The following COLEC12 variants were observed in gnomAD, a reference collection of about 807,000 sequenced individuals.
COLEC12 encodes collectin subfamily member 12, also known as collectin-12.
In COLEC12, 33 loss-of-function variants were observed where a neutral mutation model predicts 71.1. That is an observed-to-expected ratio of 0.46 (90% CI 0.35 to 0.62). The LOEUF is 0.62. Among genes scored for constraint, COLEC12 ranks in the 20% least tolerant of loss-of-function variants. COLEC12 has a pLI of 0.00. For synonymous variants in COLEC12, 350 were observed against 353.0 expected (o/e 0.99, Z 0.10); for missense variants, 765 against 916.1 (o/e 0.84, Z 2.13).
At chr18:474,433 CT>C (rs965537935) in intron 2 of COLEC12, among the ~76,000 whole-genome samples, 1 of 152,074 alleles carries the variant, frequency 6.6e-6, no homozygotes, top group Non-Finnish European at 1.5e-5. Context: ...GGTGTTGAAT[CT>C]TTTTTTTACT....
intron 2 of COLEC12, among the ~76,000 whole-genome samples, chr18:442,014 C>CT (rs1379749562): frequency 2.4e-5 from 3 of 125,556 alleles, no homozygotes; most frequent in Admixed American, 7.6e-5. Context: ...CACACACACA[C>CT]ACACACACAC....
At chr18:372,026 C>G (rs1418412894) in intron 2 of COLEC12, among the ~76,000 whole-genome samples, 1 of 152,164 alleles carries the variant, frequency 6.6e-6, no homozygotes, top group Non-Finnish European at 1.5e-5. Flanking sequence ...CAGAGTGGAG[C>G]TGGACTTCTG....
chr18:332,882 T>C (rs1260695888), intron 7 of COLEC12, 125 bp downstream of exon 7: 23 of 811,946 alleles, frequency 2.8e-5, no homozygotes, highest in Non-Finnish European at 4.1e-5. Context: ...CTCTGTAATG[T>C]TGCCTCCCAT....
At chr18:395,631 G>A (rs971610452) in intron 2 of COLEC12, among the ~76,000 whole-genome samples, 8 of 152,164 alleles carry the variant, frequency 5.3e-5, no homozygotes, top group African/African-American at 1.9e-4. Context: ...TATAAGTTCC[G>A]AGGCGATTAG....
intron 2 of COLEC12, among the ~76,000 whole-genome samples, chr18:379,426 C>T (rs1187077131): frequency 7.2e-5 from 11 of 152,010 alleles, no homozygotes. Flanking sequence ...TGCACCCAGC[C>T]GGGAGAAAAA....
chr18:471,010 A>G (rs1399307347), intron 2 of COLEC12, among the ~76,000 whole-genome samples: 2 of 152,220 alleles, frequency 1.3e-5, no homozygotes, highest in African/African-American at 4.8e-5. Context: ...TTTCTGCCAG[A>G]ACCTTTGCAG....
rs952793909 is a variant in COLEC12 at position 480,917 on chromosome 18, C to G, written c.8-160G>C. ...TTCTGGAAGAGGCGGCAGGGGTCTC[C>G]ACCCTGGCTGCTCCTGCTGCTTGGG... On this transcript the variant is annotated intron_variant, in intron 1 of 9. Transcript: ENST00000400256. The surrounding 1 kb of genome is among the most constrained non-coding windows in gnomAD (Gnocchi z 4.1). 6.6e-6 allele frequency among the ~76,000 whole-genome samples: 1 copy of G among 152,186 alleles called. No individual in the cohort carries two copies. Among genetic ancestry groups the G allele is most frequent in the Admixed American group, 6.5e-5 (1 of 15,282 alleles).
At chr18:329,958 T>C (rs1913934512) in intron 8 of COLEC12, among the ~76,000 whole-genome samples, 1 of 152,100 alleles carries the variant, frequency 6.6e-6, no homozygotes, top group South Asian at 2.1e-4. Context: ...GCACCTGTGA[T>C]TCCAGGGACT....
intron 8 of COLEC12, among the ~76,000 whole-genome samples, chr18:324,582 A>C (rs376202173): frequency 1.5e-4 from 23 of 152,194 alleles, no homozygotes; most frequent in Non-Finnish European, 2.6e-4. Context: ...TAATCCCAGC[A>C]CTTTGGGAGG....
intron 2 of COLEC12, among the ~76,000 whole-genome samples, chr18:455,547 T>C (rs1464637395): frequency 6.6e-6 from 1 of 152,152 alleles, no homozygotes; most frequent in African/African-American, 2.4e-5. Context: ...GTTACATAGG[T>C]ATACATGTGC....
intron 9 of COLEC12, among the ~76,000 whole-genome samples, chr18:320,567 G>GT (rs1913678919): frequency 2.6e-5 from 4 of 152,128 alleles, no homozygotes; most frequent in Non-Finnish European, 5.9e-5. Flanking sequence ...TGAGGTTTTT[G>GT]TTTTTATATG....
Position 395,454 on chromosome 18 carries a change from C to T in COLEC12, c.59-37932G>A, listed in dbSNP as rs116291492. On this transcript the variant is annotated intron_variant, in intron 2 of 9. Coordinates refer to ENST00000400256, the MANE Select transcript of COLEC12 (RefSeq NM_130386.3). ...CTTGAGAGAGTGTACTAACTCAACC[C>T]CTGCGAGCACTGGACCTTTTGGAGT... Among the ~76,000 whole-genome samples the T allele has an allele frequency of 3.3e-3, 506 of 152,284 alleles. 4 individuals carry two copies. Among genetic ancestry groups the T allele is most frequent in the African/African-American group, 0.012 (488 of 41,562 alleles).
chr18:406,306 G>C (rs904207166), intron 2 of COLEC12, among the ~76,000 whole-genome samples: 1 of 152,056 alleles, frequency 6.6e-6, no homozygotes. Context: ...TCAGGAGATC[G>C]AGACCATCCT....
intron 2 of COLEC12, among the ~76,000 whole-genome samples, chr18:475,855 G>A (rs1033070760): frequency 6.6e-6 from 1 of 152,170 alleles, no homozygotes; most frequent in African/African-American, 2.4e-5. Flanking sequence ...TTGGAAGGAG[G>A]GAACGGTGAT....
chr18:401,051 T>C (rs764128136), intron 2 of COLEC12, among the ~76,000 whole-genome samples: 3 of 152,136 alleles, frequency 2.0e-5, no homozygotes, highest in Non-Finnish European at 2.9e-5. Flanking sequence ...AAGGAACTTT[T>C]TTCTTCTTTG....
chr18:445,024 G>A (rs1916618594), intron 2 of COLEC12, among the ~76,000 whole-genome samples: 1 of 152,092 alleles, frequency 6.6e-6, no homozygotes. Context: ...ATGACTTGTT[G>A]CCCTCTTCTT....
At chr18:423,592 A>G (rs554410450) in intron 2 of COLEC12, among the ~76,000 whole-genome samples, 21 of 152,208 alleles carry the variant, frequency 1.4e-4, no homozygotes, top group African/African-American at 5.1e-4. Flanking sequence ...TTAAGAAATT[A>G]CTCTTTCTAG....
intron 2 of COLEC12, among the ~76,000 whole-genome samples, chr18:402,536 C>T (rs184012449): frequency 3.5e-4 from 53 of 152,174 alleles, no homozygotes; most frequent in Admixed American, 3.5e-3. Flanking sequence ...GACACAAAGG[C>T]TGACCAGAGT....
At chr18:496,065 T>C (rs1917707080) in intron 1 of COLEC12, among the ~76,000 whole-genome samples, 2 of 152,242 alleles carry the variant, frequency 1.3e-5, no homozygotes, top group Non-Finnish European at 2.9e-5. Context: ...TATCACAAAA[T>C]TTAAATGTCC....
Sources: gnomAD v4.1 joint callset for allele counts (sites outside exome capture counted in the v4.1 genomes callset) on GRCh38, gnomAD v4.1.1 for gene constraint, Gnocchi (gnomAD v3.1) non-coding constraint, MANE v1.5 for transcripts, NCBI Gene and HGNC (gene_info 2026-07-23, HGNC 2026-07-21) for gene names.